Variants in KRT5 observed in about 807,000 individuals in gnomAD.
KRT5 encodes the protein keratin, type II cytoskeletal 5.
Under a neutral mutation model 44.0 loss-of-function variants are expected in KRT5, and 17 were observed. The ratio of observed to expected loss-of-function variants is 0.39; its 90% CI spans 0.26 to 0.58. The LOEUF (loss-of-function observed/expected upper bound fraction) is 0.58. Among genes scored for constraint, KRT5 ranks in the 20% least tolerant of loss-of-function variants. The probability of loss-of-function intolerance (pLI) is 0.61; values close to 1 mark genes in which losing one functional copy is unlikely to be tolerated. For synonymous variants in KRT5, 329 were observed against 312.8 expected (o/e 1.05, Z -0.55); for missense variants, 737 against 785.5 (o/e 0.94, Z 0.74).
intron 7 of KRT5, 85 bp from the exon 8 acceptor site, chr12:52,515,917 T>G: frequency 8.7e-7 from 1 of 1,152,504 alleles, no homozygotes. Flanking sequence ...TCCTCATGAT[T>G]CGAGTTCATT....
In KRT5 at chr12:52,514,964, G is replaced by C; in HGVS notation, c.1751C>G (p.Ser584Cys). 1 of 1,613,584 alleles carries C rather than the reference G, an allele frequency of 6.2e-7. No individual in the cohort carries two copies. Among genetic ancestry groups the C allele is most frequent in the Non-Finnish European group, 8.5e-7 (1 of 1,179,836 alleles). The change falls in exon 9 of 9, where the codon TCC becomes TGC. Residue 584 changes from serine (S) to cysteine (C), a missense_variant. By Grantham distance (112) the Ser-to-Cys change is moderately radical (BLOSUM62 -1). Transcript: ENST00000252242. ...SVKFVSTTSS[S>C]RKSFKS ...TTCTTAGCTCTTGAAGCTCTTCCGG[G>C]AGGAGGAGGTGGTGGAGACAAATTT...
rs1219197486 is a variant in KRT5 at position 52,519,948 on chromosome 12, G to A, written c.349C>T (p.Leu117Phe). ...CCTCCAAAGCCAGCTCCGCCACCGAGCCCAAAGCCACCACCAGCTCCACCG... is the reference window on the plus strand; with the variant it reads ...CCTCCAAAGCCAGCTCCGCCACCGAACCCAAAGCCACCACCAGCTCCACCG... ...FGGGAGGGFG[L>F]GGGAGFGGGF... The change falls in exon 1 of 9, where the codon CTC (leucine) becomes TTC (phenylalanine). Residue 117 changes from leucine to phenylalanine, a missense_variant. Physicochemically the swap from Leu to Phe is conservative, Grantham distance 22. Coordinates refer to ENST00000252242, the MANE Select transcript of KRT5 (RefSeq NM_000424.4). 5.0e-6 allele frequency: 8 copies of A among 1,612,346 alleles called. No homozygotes were observed. The highest frequency in any genetic ancestry group is 6.8e-6 in the Non-Finnish European group (8 of 1,179,032).
rs570531194 is a variant in KRT5 at position 52,519,003 on chromosome 12, C to T, written c.713G>A (p.Gly238Asp). The T allele has an allele frequency of 3.1e-6, 5 of 1,614,060 alleles. No individual in the cohort carries two copies. In the African/African-American group the frequency reaches 6.7e-5, roughly 22 times the overall value. The change falls in exon 2 of 9, where the codon GGC becomes GAC. Residue 238 changes from glycine (G) to aspartate (D), a missense_variant. By Grantham distance (94) the Gly-to-Asp change is moderately conservative. This residue lies in a region of KRT5 where 326 missense variants were observed against 333.1 expected (regional missense o/e 0.98). Coordinates refer to ENST00000252242, the MANE Select transcript of KRT5 (RefSeq NM_000424.4). ...RQLDSIVGER[G>D]RLDSELRNMQ... ...GTTTCTCAGCTCTGAGTCCAGGCGG[C>T]CCCGTTCCCCCACGATGCTGTCCAG... is the stretch of plus-strand genomic sequence containing the variant.
At chr12:52,517,358 G>T in intron 5 of KRT5, 126 bp from the exon 6 acceptor site, 5 of 1,224,768 alleles carry the variant, frequency 4.1e-6, no homozygotes, top group East Asian at 2.3e-5. Context: ...CTTTTCCAAG[G>T]CTGAGCTAGT....
Position 52,515,114 on chromosome 12 carries a change from G to A in KRT5, c.1601C>T (p.Ser534Phe). ...TAGGCCGACACCCCCACTGCTGCTG[G>A]AGTAGTAGCTTCCACTGCTACCTCC... ...LAGGSSGSYYSSSSGGVGLGG... is the reference protein window; with the variant it reads ...LAGGSSGSYYFSSSGGVGLGG... Residue 534 changes from serine to phenylalanine, a missense_variant, in exon 9 of 9, where the codon TCC (serine) becomes TTC (phenylalanine). Physicochemically the swap from Ser to Phe is radical, Grantham distance 155. This residue lies in a region of KRT5 where 344 missense variants were observed against 351.6 expected (regional missense o/e 0.98). Coordinates refer to ENST00000252242, the MANE Select transcript of KRT5 (RefSeq NM_000424.4). 6.2e-7 allele frequency: 1 copy of A among 1,611,664 alleles called. No homozygotes were observed. Among genetic ancestry groups the A allele is most frequent in the Non-Finnish European group, 8.5e-7 (1 of 1,178,996 alleles).
At chr12:52,516,186 A>G (rs1206477788) in intron 7 of KRT5, 1 of 446,792 alleles carries the variant, frequency 2.2e-6, no homozygotes, top group African/African-American at 2.0e-5. Context: ...TCCAACAGAA[A>G]GTAGGCAATG....
Position 52,515,000 on chromosome 12 carries a change from C to T in KRT5, c.1715G>A (p.Ser572Asn), listed in dbSNP as rs1419399135. 6.2e-7 allele frequency: 1 copy of T among 1,612,730 alleles called. No individual in the cohort carries two copies. The highest frequency in any genetic ancestry group is 8.5e-7 in the Non-Finnish European group (1 of 1,179,626). ...GGTGGAGACAAATTTGACGCTGGAG[C>T]TGCTACCCCCGCCACTGCCAAAGCC... Reference protein sequence around the residue: ...GVGFGSGGGSSSSVKFVSTTS... With the variant: ...GVGFGSGGGSNSSVKFVSTTS... Residue 572 changes from serine (S) to asparagine (N), a missense_variant, in exon 9 of 9, where the codon AGC (serine) becomes AAC (asparagine). Around this residue, in one of 5 missense-constraint regions of KRT5, gnomAD observed 344 missense variants for 351.6 expected, o/e 0.98. Transcript: ENST00000252242.
chr12:52,514,629 C>A lies in KRT5; in HGVS notation c.*313G>T. 2.5e-6 allele frequency: 1 copy of A among 405,722 alleles called. No homozygotes were observed. Among genetic ancestry groups the A allele is most frequent in the Non-Finnish European group, 4.4e-6 (1 of 226,874 alleles). The allele number at this position is 405,722 out of a possible 1,614,324, so 25.1% of individuals were successfully genotyped here. ...ATTCTGGAGGTAGTTAGAACCAAAA[C>A]AAAATTTGGGATTGGGGTGGGGATT... On this transcript the variant is annotated 3_prime_UTR_variant, in exon 9 of 9. Transcript: ENST00000252242.
intron 8 of KRT5, chr12:52,515,507 GGGGA>G (rs1938596002): frequency 1.6e-6 from 1 of 623,924 alleles, no homozygotes; most frequent in Admixed American, 2.7e-5. Flanking sequence ...TAGGTACTGA[GGGGA>G]GGAGCTAGGT....
chr12:52,515,222 A>G lies in KRT5; in HGVS notation c.1493T>C (p.Val498Ala). 6.2e-7 allele frequency: 1 copy of G among 1,608,700 alleles called. No individual in the cohort carries two copies. The highest frequency in any genetic ancestry group is 8.5e-7 in the Non-Finnish European group (1 of 1,179,952). ...PVNISVVTSS[V>A]SSGYGSGSGY... is the part of the protein sequence containing the mutation. ...ACTGCCACTGCCATATCCAGAGGAA[A>G]CACTGCTTGTGACAACAGCTGCAGG... is the stretch of plus-strand genomic sequence containing the variant. Residue 498 changes from valine (V) to alanine (A), a missense_variant, in exon 9 of 9, where the codon GTT becomes GCT. Transcript: ENST00000252242.
chr12:52,516,304 G>T (rs1471205466), intron 7 of KRT5: 1 of 412,790 alleles, frequency 2.4e-6, no homozygotes, highest in African/African-American at 2.0e-5. Flanking sequence ...GGGTACTGGA[G>T]GACAAGGGTG....
chr12:52,516,599 C>T, intron 7 of KRT5, 38 bp downstream of exon 7: 1 of 1,597,884 alleles, frequency 6.3e-7, no homozygotes, highest in Non-Finnish European at 8.6e-7. Context: ...TTCGCTTTAT[C>T]AGCTGAAGGC....
Position 52,514,896 on chromosome 12 carries a change from T to A in KRT5, c.*46A>T. On this transcript the variant is annotated 3_prime_UTR_variant, in exon 9 of 9. Transcript: ENST00000252242. ...AACTGCCTAGAAGAGGCAATCTCCA[T>A]GGGCTGGGTTGCTGCACTTGGAAGG... 6.5e-7 allele frequency: 1 copy of A among 1,538,442 alleles called. No individual in the cohort carries two copies. Among genetic ancestry groups the A allele is most frequent in the Non-Finnish European group, 9.0e-7 (1 of 1,112,306 alleles).
rs372204272 is a variant in KRT5, at chr12:52,519,996, C to T, written c.301G>A (p.Ala101Thr). 3.8e-5 allele frequency: 62 copies of T among 1,613,706 alleles called. No homozygotes were observed. The highest frequency in any genetic ancestry group is 5.2e-5 in the Non-Finnish European group (61 of 1,179,946). Residue 101 changes from alanine to threonine, a missense_variant, in exon 1 of 9, where the codon GCC (alanine) becomes ACC (threonine). This residue lies in a region of KRT5 where 326 missense variants were observed against 333.1 expected (regional missense o/e 0.98). Coordinates refer to ENST00000252242, the MANE Select transcript of KRT5 (RefSeq NM_000424.4). ...CCGCCGAAACCAAATCCACTACCGG[C>T]ACCACCTCCAAAGCCATAGCCGCCT... ...AGGGYGFGGG[A>T]GSGFGFGGGA... is the part of the protein sequence containing the mutation.
intron 8 of KRT5, 166 bp downstream of exon 8, chr12:52,515,632 C>A: frequency 1.4e-6 from 1 of 704,414 alleles, no homozygotes; most frequent in South Asian, 1.6e-5. Context: ...CTTCCTGTCC[C>A]AATCTGTCCT....
chr12:52,514,805 G>A lies in KRT5; in HGVS notation c.*137C>T. On this transcript the variant is annotated 3_prime_UTR_variant, in exon 9 of 9. Transcript: ENST00000252242. ...GAATGGGGCTCTCCTGGGAACCAAA[G>A]AATGTGGTTCTGCAATTGGCTTGGT... 1 of 753,234 alleles carries A rather than the reference G, an allele frequency of 1.3e-6. No individual in the cohort carries two copies. The highest frequency in any genetic ancestry group is 2.3e-6 in the Non-Finnish European group (1 of 443,116). 46.7% of individuals were successfully genotyped at this position (753,234 alleles called of 1,614,324 possible).
Position 52,516,725 on chromosome 12 carries a change from G to C in KRT5, c.1351C>G (p.Arg451Gly). Residue 451 changes from arginine (R) to glycine (G), a missense_variant, in exon 7 of 9, where the codon CGT becomes GGT. By Grantham distance (125) the Arg-to-Gly change is moderately radical (BLOSUM62 -2). Transcript: ENST00000252242. ...GTGTTCATGAGCTCCTGGTACTCAC[G>C]CAGCAGCCGGGCCATGTCCTGCTTG... is the stretch of plus-strand genomic sequence containing the variant. ...KAKQDMARLL[R>G]EYQELMNTKL... The C allele has an allele frequency of 4.3e-6, 7 of 1,614,154 alleles. 1 individual carries two copies. The South Asian group carries it at 7.7e-5, about 18-fold the overall frequency.
chr12:52,516,286 G>A, intron 7 of KRT5: 1 of 395,982 alleles, frequency 2.5e-6, no homozygotes, highest in Middle Eastern at 8.0e-4. Context: ...AAGCCTTCCT[G>A]AAGGAAGGGG....
chr12:52,519,147 T>C lies in KRT5; in HGVS notation c.569A>G (p.Glu190Gly). ...ASFIDKVRFLEQQNKVLDTKW... is the reference protein window; with the variant it reads ...ASFIDKVRFLGQQNKVLDTKW... The stretch of plus-strand genomic sequence containing the variant: ...GGTGTCCAGAACCTTGTTCTGCTGC[T>C]CCAGGAACCGCACCTGGAGGGGAGC... Residue 190 changes from glutamate (E) to glycine (G), a missense_variant, in exon 2 of 9, where the codon GAG becomes GGG. Coordinates refer to ENST00000252242, the MANE Select transcript of KRT5 (RefSeq NM_000424.4). 2 of 1,614,212 alleles carry C rather than the reference T, an allele frequency of 1.2e-6. No homozygotes were observed. The highest frequency in any genetic ancestry group is 1.7e-6 in the Non-Finnish European group (2 of 1,180,040).
Sources: allele counts gnomAD v4.1 joint callset, GRCh38; gene constraint gnomAD v4.1.1; regional missense constraint gnomAD v4.1.1; transcripts MANE v1.5; gene names NCBI Gene and HGNC (gene_info 2026-07-23, HGNC 2026-07-21).